The following GAD2 variants were observed in gnomAD, a reference collection of about 807,000 sequenced individuals.
GAD2 encodes the protein glutamate decarboxylase 2.
Under a neutral mutation model 80.1 loss-of-function variants are expected in GAD2, and 22 were observed. The observed-to-expected ratio is 0.27, with a 90% CI of 0.20 to 0.39. The LOEUF (loss-of-function observed/expected upper bound fraction) is 0.39. GAD2 is among the 10% of genes least tolerant of loss of function. The pLI, the probability that GAD2 is intolerant of heterozygous loss-of-function variation, is 1.00. For synonymous variants in GAD2, 274 were observed against 256.9 expected, an observed-to-expected ratio of 1.07 and a Z score of -0.64; for missense variants, 624 against 738.4, an observed-to-expected ratio of 0.85 and a Z score of 1.80.
Position 26,292,557 on chromosome 10 carries a change from G to A in GAD2, c.1479G>A (p.Met493Ile), listed in dbSNP as rs1364914782. The A allele has an allele frequency of 6.2e-7, 1 of 1,610,938 alleles. No individual in the cohort carries two copies. ...TAAAAAACCGAGAAGGATATGAGATGGTGTTTGATGGGAAGGTATGTATTT... is the reference window on the plus strand; with the variant it reads ...TAAAAAACCGAGAAGGATATGAGATAGTGTTTGATGGGAAGGTATGTATTT... ...NIIKNREGYE[M>I]VFDGKPQHTN... The change falls in exon 14 of 16, where the codon ATG (methionine) becomes ATA (isoleucine). Residue 493 changes from methionine (M) to isoleucine (I), a missense_variant. Transcript: ENST00000376261.
In GAD2 at chr10:26,301,225, A is replaced by G. The variant is rs1834326976; in HGVS notation, c.*264A>G. ...TAAAATTGTTATAAATACTTCCCTT[A>G]CTTTTAATATAGTGTGCAAAGCAAA... On this transcript the variant is annotated 3_prime_UTR_variant, in exon 16 of 16. Coordinates refer to ENST00000376261, the MANE Select transcript of GAD2 (RefSeq NM_001134366.2). 1 of 373,414 alleles carries G rather than the reference A, an allele frequency of 2.7e-6. No individual in the cohort carries two copies. Among genetic ancestry groups the G allele is most frequent in the Non-Finnish European group, 5.0e-6 (1 of 200,262 alleles). The allele number at this position is 373,414 out of a possible 1,614,324, so 23.1% of individuals were successfully genotyped here.
intron 4 of GAD2, among the ~76,000 whole-genome samples, chr10:26,220,324 C>A (rs969265838): frequency 6.6e-6 from 1 of 152,134 alleles, no homozygotes; most frequent in Admixed American, 6.5e-5. Context: ...GAAACGTCAT[C>A]TTTTTAGATT....
chr10:26,269,505 C>T (rs1845109420), intron 9 of GAD2, among the ~76,000 whole-genome samples: 1 of 152,206 alleles, frequency 6.6e-6, no homozygotes, highest in South Asian at 2.1e-4. Context: ...AATGCTAATG[C>T]AGTATGTGAG....
chr10:26,277,720 A>T (rs1163976771), intron 11 of GAD2, among the ~76,000 whole-genome samples: 1 of 152,162 alleles, frequency 6.6e-6, no homozygotes, highest in African/African-American at 2.4e-5. Context: ...GACGGGGAAG[A>T]AAAGAGTGAA....
intron 6 of GAD2, among the ~76,000 whole-genome samples, chr10:26,228,580 C>T (rs1266287861): frequency 3.9e-5 from 6 of 152,266 alleles, no homozygotes; most frequent in Admixed American, 1.3e-4. Context: ...CTATTAGGAA[C>T]GGGGCCACAG....
At chr10:26,225,817 A>T (rs1564656449) in intron 6 of GAD2, among the ~76,000 whole-genome samples, 1 of 152,234 alleles carries the variant, frequency 6.6e-6, no homozygotes, top group Non-Finnish European at 1.5e-5. Flanking sequence ...TTAGCCTTTT[A>T]AAAAGTCATT....
rs1834338592 is a variant in GAD2, at chr10:26,302,559, T to G, written c.*1598T>G. The G allele has an allele frequency of 6.6e-6, 1 of 152,144 alleles. No individual in the cohort carries two copies. Among genetic ancestry groups the G allele is most frequent in the African/African-American group, 2.4e-5 (1 of 41,428 alleles). 9.4% of individuals were successfully genotyped at this position (152,144 alleles called of 1,614,324 possible). A position where few individuals can be genotyped will look rare whatever the true frequency, so the allele number is the denominator to read the frequency against. On this transcript the variant is annotated 3_prime_UTR_variant, in exon 16 of 16. Transcript: ENST00000376261. ...ACTGCAAATGCAAATTTAGGAACAT[T>G]CTCCATTTCTGAATGGACCAGGTAG...
chr10:26,234,315 G>A (rs944934342), intron 7 of GAD2, among the ~76,000 whole-genome samples: 34 of 142,996 alleles, frequency 2.4e-4, no homozygotes, highest in Admixed American at 1.7e-3. Context: ...CAGAGTGAGT[G>A]AGACTCCGTC....
intron 8 of GAD2, among the ~76,000 whole-genome samples, chr10:26,248,960 G>T (rs1028401338): frequency 3.9e-5 from 6 of 152,180 alleles, no homozygotes; most frequent in Admixed American, 1.3e-4. Context: ...TAGGCGAGAG[G>T]ATCTCCAGTC....
intron 15 of GAD2, among the ~76,000 whole-genome samples, chr10:26,295,508 GCACACACACACACACACACACA>G (rs61216190): frequency 7.5e-6 from 1 of 133,822 alleles, no homozygotes; most frequent in African/African-American, 3.0e-5. Context: ...TCATACGCAT[GCACACACACACACACACACACA>G]CACACACACA....
At chr10:26,239,262 T>G (rs1173878382) in intron 7 of GAD2, among the ~76,000 whole-genome samples, 41 of 152,188 alleles carry the variant, frequency 2.7e-4, no homozygotes, top group Admixed American at 2.6e-3. Context: ...CCTTTCTCTT[T>G]ATTTGAGGTC....
chr10:26,286,712 A>C (rs1845337384), intron 13 of GAD2, among the ~76,000 whole-genome samples: 1 of 152,158 alleles, frequency 6.6e-6, no homozygotes, highest in African/African-American at 2.4e-5. Context: ...TCAAATGCTC[A>C]CTCATCTGGA....
At chr10:26,278,827 G>A (rs1036269078) in intron 11 of GAD2, among the ~76,000 whole-genome samples, 28 of 151,862 alleles carry the variant, frequency 1.8e-4, no homozygotes, top group Admixed American at 6.6e-4. Context: ...TGGCCCAGAT[G>A]AGATCCCCAG....
intron 8 of GAD2, among the ~76,000 whole-genome samples, chr10:26,253,334 G>T (rs756762638): frequency 6.6e-5 from 10 of 152,198 alleles, no homozygotes; most frequent in Non-Finnish European, 1.3e-4. Context: ...TGAATATTCA[G>T]TGATGAGGTT....
chr10:26,218,551 T>TCACACACACA (rs59054319), intron 3 of GAD2, among the ~76,000 whole-genome samples: 2,764 of 118,774 alleles, frequency 0.023, 50 homozygotes, highest in South Asian at 0.032. Context: ...TCTCTCTCTC[T>TCACACACACA]CACACACACA....
intron 8 of GAD2, among the ~76,000 whole-genome samples, chr10:26,262,391 G>C (rs762816567): frequency 3.3e-5 from 5 of 150,336 alleles, no homozygotes; most frequent in Non-Finnish European, 7.4e-5. Flanking sequence ...TACATAGAAT[G>C]CTTTAAAATA....
At chr10:26,238,147 G>C (rs961557406) in intron 7 of GAD2, among the ~76,000 whole-genome samples, 1 of 152,128 alleles carries the variant, frequency 6.6e-6, no homozygotes, top group Admixed American at 6.5e-5. Flanking sequence ...TAGGTAGAAG[G>C]ATGGGAGGAT....
chr10:26,218,138 C>A, intron 3 of GAD2, 147 bp downstream of exon 3: 2 of 876,364 alleles, frequency 2.3e-6, no homozygotes, highest in Admixed American at 3.2e-5. Context: ...CAGATAAAAG[C>A]GAGAAATGCG....
chr10:26,221,606 G>A (rs890966851), intron 4 of GAD2, among the ~76,000 whole-genome samples: 2 of 152,210 alleles, frequency 1.3e-5, no homozygotes, highest in Non-Finnish European at 1.5e-5. Context: ...AGGACATAAA[G>A]AGCAGTTTGG....
Sources: gnomAD v4.1 joint callset for allele counts (sites outside exome capture counted in the v4.1 genomes callset) on GRCh38, gnomAD v4.1.1 for gene constraint, MANE v1.5 for transcripts, NCBI Gene and HGNC (gene_info 2026-07-23, HGNC 2026-07-21) for gene names.